PRKN: variants seen among roughly 807,000 people sequenced by gnomAD.
The protein encoded by PRKN is E3 ubiquitin-protein ligase parkin.
In PRKN, 56 loss-of-function variants were observed where a neutral mutation model predicts 59.5. The observed-to-expected ratio is 0.94, with a 90% confidence interval of 0.76 to 1.18. The LOEUF (loss-of-function observed/expected upper bound fraction) is 1.18, where lower values mean the gene tolerates loss of function less well. PRKN is among the 50% of genes most tolerant of loss of function. PRKN has a pLI of 0.00. For synonymous variants in PRKN, 250 were observed against 222.1 expected (o/e 1.13, Z -1.12); for missense variants, 657 against 596.4 (o/e 1.10, Z -1.06).
intron 1 of PRKN, among the ~76,000 whole-genome samples, chr6:162,725,175 T>C (rs1042950490): frequency 6.6e-6 from 1 of 152,214 alleles, no homozygotes; most frequent in African/African-American, 2.4e-5. Flanking sequence ...TCCCTCATAC[T>C]CCCGAATCCC....
chr6:161,398,779 T>C (rs1786895346), intron 9 of PRKN, among the ~76,000 whole-genome samples: 1 of 152,100 alleles, frequency 6.6e-6, no homozygotes, highest in South Asian at 2.1e-4. Flanking sequence ...GATCATATGA[T>C]GGATGTGAGG....
At chr6:161,694,613 T>A (rs1216206745) in intron 7 of PRKN, among the ~76,000 whole-genome samples, 1 of 152,212 alleles carries the variant, frequency 6.6e-6, no homozygotes, top group Non-Finnish European at 1.5e-5. Flanking sequence ...TACATCCCAA[T>A]ACTCGGTTTT....
At chr6:161,565,923 C>T (rs144013478) in intron 8 of PRKN, among the ~76,000 whole-genome samples, 3 of 152,216 alleles carry the variant, frequency 2.0e-5, no homozygotes, top group East Asian at 3.9e-4. Context: ...TGTTACCAGG[C>T]GGAACTGGCC....
At chr6:162,555,341 C>A (rs1044959593) in intron 1 of PRKN, among the ~76,000 whole-genome samples, 2 of 151,990 alleles carry the variant, frequency 1.3e-5, no homozygotes, top group East Asian at 1.9e-4. Context: ...TACTAGGATG[C>A]CAAATTTAAA....
chr6:161,360,268 G>A lies in PRKN; in HGVS notation c.1168-63C>T. 3 of 1,307,804 alleles carry A rather than the reference G, an allele frequency of 2.3e-6. No individual in the cohort carries two copies. The highest frequency in any genetic ancestry group is 1.1e-6 in the Non-Finnish European group (1 of 899,968). 81.0% of individuals were successfully genotyped at this position (1,307,804 alleles called of 1,614,324 possible). A position where few individuals can be genotyped will look rare whatever the true frequency, so the allele number is the denominator to read the frequency against. ...TTCTATTACTGGGATCAGAGTTTAT[G>A]TTCCCTGTACGTCGGTACAGGAAAT... On this transcript the variant is annotated intron_variant, in intron 10 of 11. Coordinates refer to ENST00000366898, the MANE Select transcript of PRKN (RefSeq NM_004562.3). The surrounding 1 kb of genome is among the most constrained non-coding windows in gnomAD (Gnocchi z 5.1).
intron 9 of PRKN, among the ~76,000 whole-genome samples, chr6:161,438,687 G>A (rs962751463): frequency 1.3e-5 from 2 of 152,034 alleles, no homozygotes; most frequent in East Asian, 1.9e-4. Context: ...GAAGAAAATC[G>A]AAAAATAGAT....
At chr6:161,970,898 T>C (rs931040731) in intron 6 of PRKN, among the ~76,000 whole-genome samples, 1 of 152,156 alleles carries the variant, frequency 6.6e-6, no homozygotes, top group African/African-American at 2.4e-5. Flanking sequence ...GAAAGCATTA[T>C]CAGGAAAAAC....
intron 7 of PRKN, among the ~76,000 whole-genome samples, chr6:161,782,697 C>T (rs1457581642): frequency 6.6e-6 from 1 of 151,952 alleles, no homozygotes; most frequent in Non-Finnish European, 1.5e-5. Flanking sequence ...AGTTAGAGAC[C>T]AGCCTGGTTA....
At chr6:162,219,930 C>T (rs1342671210) in intron 3 of PRKN, among the ~76,000 whole-genome samples, 1 of 152,216 alleles carries the variant, frequency 6.6e-6, no homozygotes, top group Middle Eastern at 3.4e-3. Flanking sequence ...TCCAACAGTG[C>T]TCAACACCTT....
chr6:161,780,419 CAT>C (rs774292063), intron 7 of PRKN, among the ~76,000 whole-genome samples: 14 of 152,104 alleles, frequency 9.2e-5, no homozygotes, highest in Non-Finnish European at 2.1e-4. Context: ...ATTGGATGGT[CAT>C]ATGTCATGTA....
chr6:162,463,967 AAAATAAAGCTT>A (rs1374705779), intron 1 of PRKN, among the ~76,000 whole-genome samples: 1 of 152,220 alleles, frequency 6.6e-6, no homozygotes, highest in Non-Finnish European at 1.5e-5. Flanking sequence ...TTTAAAGATA[AAAATAAAGCTT>A]AAACTGAAAT....
intron 1 of PRKN, among the ~76,000 whole-genome samples, chr6:162,724,876 C>A (rs747909942): frequency 2.0e-5 from 3 of 152,184 alleles, no homozygotes; most frequent in Non-Finnish European, 4.4e-5. Flanking sequence ...GCCTGAACTA[C>A]AGCTGCCTGG....
chr6:162,338,481 T>C (rs1224178820), intron 2 of PRKN, among the ~76,000 whole-genome samples: 3 of 152,166 alleles, frequency 2.0e-5, no homozygotes, highest in Admixed American at 2.0e-4. Context: ...CTCCAGCCCC[T>C]AACCGCGAGT....
chr6:161,498,912 A>T lies in PRKN; in HGVS notation c.1083+49942T>A, dbSNP rs945771373. Among the ~76,000 whole-genome samples, 21 of 152,130 alleles carry T rather than the reference A, an allele frequency of 1.4e-4. No individual in the cohort carries two copies. The highest frequency in any genetic ancestry group is 8.8e-5 in the Non-Finnish European group (6 of 68,026). ...ATAAAAGCAGAGATGGTCATGTTGA[A>T]GAGTGAGATGGGGTGAGTGTGTGTG... On this transcript the variant is annotated intron_variant, in intron 9 of 11. Coordinates refer to ENST00000366898, the MANE Select transcript of PRKN (RefSeq NM_004562.3). This position sits in a 1 kb window ranked among gnomAD's most constrained non-coding sequence, Gnocchi z 4.2.
rs148425930 is a variant in PRKN at position 162,151,783 on chromosome 6, G to A, written c.534+49348C>T. On this transcript the variant is annotated intron_variant, in intron 4 of 11. Transcript: ENST00000366898. ...AAGTTATAAAGATAAAAATATCTTCGGAGGACATAAGGTAATAATCAATTT... is the reference window on the plus strand; with the variant it reads ...AAGTTATAAAGATAAAAATATCTTCAGAGGACATAAGGTAATAATCAATTT... Among the ~76,000 whole-genome samples, 396 of 152,176 alleles carry A rather than the reference G, an allele frequency of 2.6e-3. 10 individuals are homozygous for A. The highest frequency in any genetic ancestry group is 0.018 in the East Asian group (95 of 5,170).
intron 1 of PRKN, among the ~76,000 whole-genome samples, chr6:162,590,384 A>T (rs1232150350): frequency 6.6e-6 from 1 of 152,240 alleles, no homozygotes; most frequent in Admixed American, 6.5e-5. Context: ...AACGAAAAGC[A>T]AAAGTAATGA....
At chr6:162,070,200 G>A (rs1778515771) in intron 4 of PRKN, among the ~76,000 whole-genome samples, 1 of 152,152 alleles carries the variant, frequency 6.6e-6, no homozygotes, top group African/African-American at 2.4e-5. Context: ...GTATTCACTG[G>A]GTTCTCACAT....
intron 1 of PRKN, among the ~76,000 whole-genome samples, chr6:162,634,083 C>G (rs892036769): frequency 6.6e-6 from 1 of 152,026 alleles, no homozygotes; most frequent in East Asian, 1.9e-4. Context: ...AATAGTGACT[C>G]CCCTGAAACA....
chr6:161,508,723 A>T (rs1242234708), intron 9 of PRKN, among the ~76,000 whole-genome samples: 1 of 152,138 alleles, frequency 6.6e-6, no homozygotes, highest in Non-Finnish European at 1.5e-5. Flanking sequence ...TGTCACTCTC[A>T]GTTGAATCAT....
Sources: gnomAD v4.1 joint callset for allele counts (sites outside exome capture counted in the v4.1 genomes callset) on GRCh38, gnomAD v4.1.1 for gene constraint, Gnocchi (gnomAD v3.1) non-coding constraint, MANE v1.5 for transcripts, NCBI Gene and HGNC (gene_info 2026-07-23, HGNC 2026-07-21) for gene names.